Variants in NELFA observed in about 807,000 individuals in gnomAD.
NELFA encodes the protein negative elongation factor complex member A.
A neutral mutation model predicts 51.8 loss-of-function variants in NELFA; 35 were observed. That is an observed-to-expected ratio of 0.68 (90% CI 0.52 to 0.90). The LOEUF (loss-of-function observed/expected upper bound fraction) is 0.90, where lower values mean the gene tolerates loss of function less well. Ranked by LOEUF, NELFA falls within the 40% of genes least tolerant of loss-of-function variation. The probability of loss-of-function intolerance (pLI) is 0.00; values close to 1 mark genes in which losing one functional copy is unlikely to be tolerated. For missense variants in NELFA, 658 were observed against 746.4 expected, an observed-to-expected ratio of 0.88 and a Z score of 1.38; for synonymous variants, 417 against 338.4, an observed-to-expected ratio of 1.23 and a Z score of -2.55.
intron 1 of NELFA, among the ~76,000 whole-genome samples, chr4:1,998,531 A>C (rs506996): frequency 0.26 from 39,144 of 152,010 alleles, 5,145 homozygotes; most frequent in East Asian, 0.31. Flanking sequence ...CCGAATCCAC[A>C]AAGCGGAACA....
chr4:1,983,827 G>A, intron 9 of NELFA, 21 bp downstream of exon 9: 2 of 1,570,110 alleles, frequency 1.3e-6, no homozygotes, highest in Non-Finnish European at 1.7e-6. Flanking sequence ...TGGCCTGTGG[G>A]CCCTACCAGT....
At chr4:1,984,700 G>C in intron 8 of NELFA, 108 bp downstream of exon 8, 1 of 738,726 alleles carries the variant, frequency 1.4e-6, no homozygotes, top group Non-Finnish European at 2.2e-6. Context: ...GCAGAAGGGG[G>C]ACAACAGAGA....
chr4:1,985,295 CCA>C (rs1560857676), intron 7 of NELFA, among the ~76,000 whole-genome samples: 1 of 152,210 alleles, frequency 6.6e-6, no homozygotes, highest in African/African-American at 2.4e-5. Context: ...TGAAGTGACC[CCA>C]CAGTGTGGCC....
chr4:1,996,978 G>A (rs1293080459), intron 1 of NELFA, among the ~76,000 whole-genome samples: 1 of 152,136 alleles, frequency 6.6e-6, no homozygotes, highest in Non-Finnish European at 1.5e-5. Flanking sequence ...GGCAGGTATG[G>A]TGGTGCATGC....
rs754238656 is a variant in NELFA, at chr4:1,989,678, C to T, written c.544+30G>A. On this transcript the variant is annotated intron_variant, in intron 3 of 10. Transcript: ENST00000382882. The surrounding 1 kb of genome is among the most constrained non-coding windows in gnomAD (Gnocchi z 4.8). ...AACCTATGACTGGAAACTACAAAGA[C>T]AATGCCCGATGGCGGCCGCGGCCAC... 3.7e-6 allele frequency: 6 copies of T among 1,604,026 alleles called. No individual in the cohort carries two copies. The highest frequency in any genetic ancestry group is 1.7e-5 in the Admixed American group (1 of 58,834).
chr4:1,986,258 G>T lies in NELFA; in HGVS notation c.765+14C>A, dbSNP rs78020018. The T allele has an allele frequency of 6.1e-4, 958 of 1,573,800 alleles. 11 individuals carry two copies. The African/African-American group carries it at 0.012, about 19-fold the overall frequency. ...GGGCCCCGGGGTGCCACAGGAGCTG[G>T]GGGACGGGCCTACCTTCACACCTCG... On this transcript the variant is annotated intron_variant, in intron 5 of 10. Coordinates refer to ENST00000382882, the MANE Select transcript of NELFA (RefSeq NM_005663.5).
chr4:1,985,987 C>G, intron 6 of NELFA, 123 bp from the exon 7 acceptor site: 7 of 1,341,066 alleles, frequency 5.2e-6, no homozygotes, highest in African/African-American at 1.5e-5. Context: ...GAAAAGCAGG[C>G]ACCCACCCAC....
intron 3 of NELFA, among the ~76,000 whole-genome samples, chr4:1,988,778 T>A (rs947437204): frequency 1.3e-5 from 2 of 152,208 alleles, no homozygotes; most frequent in African/African-American, 4.8e-5. Context: ...TCAAGTGGAA[T>A]TGAGATCACC....
rs557173422 is a variant in NELFA, at chr4:1,986,935, A to G, written c.635-533T>C. Among the ~76,000 whole-genome samples the G allele has an allele frequency of 3.9e-5, 6 of 152,150 alleles. No individual in the cohort carries two copies. The East Asian group carries it at 1.2e-3, about 30-fold the overall frequency. ...CGGGCCAGGCTGGACACACTGCTCA[A>G]CGGCTGGCCCACCCTCCCTGGGCCA... On this transcript the variant is annotated intron_variant, in intron 4 of 10. Transcript: ENST00000382882.
intron 1 of NELFA, chr4:2,007,860 G>A (rs1728750777): frequency 9.8e-6 from 4 of 409,030 alleles, no homozygotes; most frequent in Non-Finnish European, 1.5e-5. Context: ...CAGTAGCCAG[G>A]AACGTTTAAA....
chr4:1,990,268 C>T (rs1403314247), intron 2 of NELFA: 5 of 388,596 alleles, frequency 1.3e-5, no homozygotes, highest in East Asian at 7.2e-5. Flanking sequence ...CCGAGGGTAG[C>T]CAGGCTGGTG....
chr4:2,001,652 C>T (rs972021417), intron 1 of NELFA, among the ~76,000 whole-genome samples: 1 of 152,134 alleles, frequency 6.6e-6, no homozygotes, highest in Non-Finnish European at 1.5e-5. Flanking sequence ...CCTGTAATCC[C>T]AGCACTTTGG....
chr4:1,987,842 AG>A, intron 4 of NELFA, 75 bp downstream of exon 4: 1 of 1,251,726 alleles, frequency 8.0e-7, no homozygotes, highest in Non-Finnish European at 1.1e-6. Context: ...CCTCCCCAAC[AG>A]GGAGCGGGTC....
chr4:2,001,151 T>G (rs1360125664), intron 1 of NELFA, among the ~76,000 whole-genome samples: 3 of 152,170 alleles, frequency 2.0e-5, no homozygotes, highest in Non-Finnish European at 4.4e-5. Context: ...TCTCAAAATA[T>G]TAAGAGTTAT....
chr4:1,986,027 CCCG>C (rs1364728609), intron 6 of NELFA, 84 bp downstream of exon 6: 3 of 1,464,038 alleles, frequency 2.0e-6, no homozygotes, highest in South Asian at 1.3e-5. Flanking sequence ...CACAGCCCTG[CCCG>C]CCGAGCGTGG....
chr4:1,983,562 C>T (rs374986242), intron 10 of NELFA, 34 bp downstream of exon 10: 25 of 1,611,828 alleles, frequency 1.6e-5, no homozygotes, highest in South Asian at 5.5e-5. Context: ...CAACCCGGCC[C>T]GGTGCACCCC....
In NELFA at chr4:1,991,546, T is replaced by C. The variant is rs757239483; in HGVS notation, c.380A>G (p.Lys127Arg). ...TGAATTAAAGCAGCACAACATACCC[T>C]TTTCTCTAAGTTCTCCCAAAATATC... ...VQDILGELRE[K>R]VGECEASAML... Residue 127 changes from lysine (K) to arginine (R), a missense_variant and splice_region_variant, in exon 2 of 11, where the codon AAG (lysine) becomes AGG (arginine). Lys to Arg is a conservative substitution (Grantham distance 26). Coordinates refer to ENST00000382882, the MANE Select transcript of NELFA (RefSeq NM_005663.5). 4 of 1,613,810 alleles carry C rather than the reference T, an allele frequency of 2.5e-6. No individual in the cohort carries two copies. The South Asian group carries it at 3.3e-5, about 13-fold the overall frequency.
At chr4:2,008,453 G>A (rs1232530371) in intron 1 of NELFA, among the ~76,000 whole-genome samples, 1 of 150,576 alleles carries the variant, frequency 6.6e-6, no homozygotes, top group Non-Finnish European at 1.5e-5. Flanking sequence ...GGACCCTAGT[G>A]GGGGATTCCC....
chr4:1,990,999 A>G (rs969739050), intron 2 of NELFA, among the ~76,000 whole-genome samples: 2 of 152,064 alleles, frequency 1.3e-5, no homozygotes, highest in African/African-American at 4.8e-5. Context: ...GGTTCTTGCT[A>G]TGTTTCCCAG....
Sources: allele counts gnomAD v4.1 joint callset (sites outside exome capture counted in the v4.1 genomes callset), GRCh38; gene constraint gnomAD v4.1.1; non-coding constraint Gnocchi (gnomAD v3.1); transcripts MANE v1.5; gene names NCBI Gene and HGNC (gene_info 2026-07-23, HGNC 2026-07-21).